The following ZBTB20 variants were observed in gnomAD, a reference collection of about 807,000 sequenced individuals.
ZBTB20 encodes zinc finger and BTB domain-containing protein 20.
A neutral mutation model predicts 56.9 loss-of-function variants in ZBTB20; 9 were observed. The ratio of observed to expected loss-of-function variants is 0.16; its 90% CI spans 0.10 to 0.28. ZBTB20 has a LOEUF of 0.28. Ranked by LOEUF, ZBTB20 falls within the 10% of genes least tolerant of loss-of-function variation. The pLI is 1.00. For missense variants in ZBTB20, 655 were observed against 1,003.0 expected, an observed-to-expected ratio of 0.65 and a Z score of 4.69; for synonymous variants, 417 against 420.7, an observed-to-expected ratio of 0.99 and a Z score of 0.11.
intron 3 of ZBTB20, among the ~76,000 whole-genome samples, chr3:114,917,069 G>A (rs1445018493): frequency 6.6e-6 from 1 of 151,762 alleles, no homozygotes; most frequent in Non-Finnish European, 1.5e-5. Flanking sequence ...TTTTTATTCT[G>A]TCCTTTTGTC....
At chr3:114,905,094 A>G (rs927426727) in intron 3 of ZBTB20, among the ~76,000 whole-genome samples, 6 of 151,944 alleles carry the variant, frequency 3.9e-5, no homozygotes, top group African/African-American at 1.4e-4. Flanking sequence ...ACTAAGTGTT[A>G]ATAATTCTAA....
At chr3:114,906,088 T>C (rs1421875560) in intron 3 of ZBTB20, among the ~76,000 whole-genome samples, 2 of 151,852 alleles carry the variant, frequency 1.3e-5, no homozygotes, top group African/African-American at 2.4e-5. Flanking sequence ...GTATACTCCA[T>C]AGAGGCCACA....
chr3:114,828,911 C>T (rs1373682113), intron 4 of ZBTB20, among the ~76,000 whole-genome samples: 1 of 151,726 alleles, frequency 6.6e-6, no homozygotes, highest in African/African-American at 2.4e-5. Flanking sequence ...GAATAGTAGC[C>T]CTTTACAATA....
chr3:114,526,930 C>T (rs937571589), intron 6 of ZBTB20, among the ~76,000 whole-genome samples: 3 of 152,156 alleles, frequency 2.0e-5, no homozygotes, highest in Admixed American at 6.5e-5. Flanking sequence ...CTTCTCCCCT[C>T]CTCCAGATCT....
rs567217355 is a variant in ZBTB20, at chr3:115,098,976, T to G, written c.-702-27562A>C. Reference sequence around the variant, plus strand: ...ATGCCGAAACATTTGTGTATCTATGTGACTTAAATTTTATCAAATGAAGAG... The same window carrying G: ...ATGCCGAAACATTTGTGTATCTATGGGACTTAAATTTTATCAAATGAAGAG... On this transcript the variant is annotated intron_variant, in intron 1 of 11. Coordinates refer to ENST00000675478, the MANE Select transcript of ZBTB20 (RefSeq NM_001348800.3). Among the ~76,000 whole-genome samples the G allele has an allele frequency of 2.3e-3, 357 of 152,326 alleles. 2 individuals carry two copies. Among genetic ancestry groups the G allele is most frequent in the Non-Finnish European group, 3.6e-3 (243 of 68,006 alleles).
intron 4 of ZBTB20, among the ~76,000 whole-genome samples, chr3:114,900,030 A>G (rs1348789299): frequency 6.6e-6 from 1 of 152,174 alleles, no homozygotes; most frequent in East Asian, 1.9e-4. Flanking sequence ...TAATAGTACA[A>G]TTCCATAAAA....
rs114496394 is a variant in ZBTB20 at position 114,620,000 on chromosome 3, T to C, written c.-295+73528A>G. 5.8e-3 allele frequency among the ~76,000 whole-genome samples: 883 copies of C among 152,338 alleles called. 8 individuals carry two copies. Among genetic ancestry groups the C allele is most frequent in the African/African-American group, 0.02 (840 of 41,572 alleles). ...ACAAGTATTGACAAGCTGGAGGGAC[T>C]GTTGGTTAATATGATGCATTATAGG... On this transcript the variant is annotated intron_variant, in intron 6 of 11. Transcript: ENST00000675478.
chr3:114,634,011 A>G (rs2059116965), intron 6 of ZBTB20, among the ~76,000 whole-genome samples: 1 of 152,174 alleles, frequency 6.6e-6, no homozygotes, highest in African/African-American at 2.4e-5. Context: ...GTATCCACCC[A>G]AGTTCTACCT....
At chr3:114,467,096 C>T (rs1297057976) in intron 7 of ZBTB20, among the ~76,000 whole-genome samples, 4 of 152,158 alleles carry the variant, frequency 2.6e-5, no homozygotes, top group African/African-American at 9.7e-5. Flanking sequence ...AAAGCACAAA[C>T]TGTGTCTGGG....
At chr3:114,815,828 T>A (rs1421408657) in intron 4 of ZBTB20, among the ~76,000 whole-genome samples, 3 of 152,148 alleles carry the variant, frequency 2.0e-5, no homozygotes, top group Non-Finnish European at 4.4e-5. Context: ...ATGAACAAAA[T>A]GAAATGGCAA....
intron 7 of ZBTB20, among the ~76,000 whole-genome samples, chr3:114,490,273 G>A (rs1042785071): frequency 6.6e-6 from 1 of 152,044 alleles, no homozygotes; most frequent in Non-Finnish European, 1.5e-5. Context: ...CTGAGCTGGT[G>A]TGCAGTGGTG....
intron 6 of ZBTB20, among the ~76,000 whole-genome samples, chr3:114,594,294 G>T (rs971956246): frequency 7.1e-6 from 1 of 140,350 alleles, no homozygotes. Context: ...TTGAGATAGA[G>T]TCTTGCTCTG....
At chr3:114,911,981 A>G (rs1163106189) in intron 3 of ZBTB20, among the ~76,000 whole-genome samples, 1 of 151,892 alleles carries the variant, frequency 6.6e-6, no homozygotes, top group Non-Finnish European at 1.5e-5. Context: ...CAAATTGTCA[A>G]AAGTGAAAGA....
intron 3 of ZBTB20, among the ~76,000 whole-genome samples, chr3:114,935,081 T>C (rs1452617704): frequency 6.6e-6 from 1 of 152,110 alleles, no homozygotes; most frequent in Non-Finnish European, 1.5e-5. Context: ...AAAAATCAAT[T>C]TGGGTCATGG....
At chr3:115,036,442 G>C (rs1036203169) in intron 2 of ZBTB20, among the ~76,000 whole-genome samples, 2 of 152,122 alleles carry the variant, frequency 1.3e-5, no homozygotes, top group Non-Finnish European at 2.9e-5. Context: ...TGGGACTACA[G>C]TCTTGCTCTG....
intron 4 of ZBTB20, among the ~76,000 whole-genome samples, chr3:114,838,534 T>C (rs1219050880): frequency 6.6e-6 from 1 of 151,504 alleles, no homozygotes. Flanking sequence ...GAATTGAAGA[T>C]CCATGGTGTG....
At chr3:114,812,987 G>A (rs547108018) in intron 4 of ZBTB20, among the ~76,000 whole-genome samples, 52 of 152,216 alleles carry the variant, frequency 3.4e-4, no homozygotes, top group Non-Finnish European at 7.2e-4. Context: ...CGGGACTCGC[G>A]CTTGCCCGCA....
At chr3:114,584,930 G>A (rs1039596011) in intron 6 of ZBTB20, among the ~76,000 whole-genome samples, 12 of 152,132 alleles carry the variant, frequency 7.9e-5, no homozygotes, top group African/African-American at 2.9e-4. Context: ...AATAAGAGCA[G>A]CTCAGTTTTA....
At chr3:114,807,662 GA>G (rs1361700990) in intron 4 of ZBTB20, among the ~76,000 whole-genome samples, 1 of 152,030 alleles carries the variant, frequency 6.6e-6, no homozygotes, top group Non-Finnish European at 1.5e-5. Context: ...TCAGGTTACA[GA>G]AGTTCTCTTC....
Sources: gnomAD v4.1 joint callset for allele counts (sites outside exome capture counted in the v4.1 genomes callset) on GRCh38, gnomAD v4.1.1 for gene constraint, MANE v1.5 for transcripts, NCBI Gene and HGNC (gene_info 2026-07-23, HGNC 2026-07-21) for gene names.